CHD9: variants seen among roughly 807,000 people sequenced by gnomAD.
The protein encoded by CHD9 is chromodomain helicase DNA binding protein 9.
In CHD9, 77 loss-of-function variants were observed where a neutral mutation model predicts 316.1. The ratio of observed to expected loss-of-function variants is 0.24; its 90% CI spans 0.20 to 0.29. The LOEUF (loss-of-function observed/expected upper bound fraction) is 0.29, where lower values mean the gene tolerates loss of function less well. Ranked by LOEUF, CHD9 falls within the 10% of genes least tolerant of loss-of-function variation. The pLI is 1.00. For synonymous variants in CHD9, 1,129 were observed against 1,158.3 expected (o/e 0.97, Z 0.51); for missense variants, 2,763 against 3,438.1 (o/e 0.80, Z 4.91).
chr16:53,118,793 C>CTTTTTTT (rs565529283), intron 1 of CHD9, among the ~76,000 whole-genome samples: 1 of 127,162 alleles, frequency 7.9e-6, no homozygotes, highest in Non-Finnish European at 1.6e-5. Context: ...AGATAACTTT[C>CTTTTTTT]TTTTTTTTTT....
At chr16:53,247,540 T>C (rs2049737201) in intron 16 of CHD9, 37 bp downstream of exon 16, 1 of 1,365,262 alleles carries the variant, frequency 7.3e-7, no homozygotes, top group South Asian at 1.2e-5. Context: ...TTATGCTAAG[T>C]ATATGCTATT....
intron 24 of CHD9, among the ~76,000 whole-genome samples, chr16:53,276,418 A>G (rs934493480): frequency 3.3e-5 from 5 of 152,186 alleles, no homozygotes; most frequent in Non-Finnish European, 7.3e-5. Flanking sequence ...CTACTCTTTA[A>G]GAGAACCATT....
Position 53,325,025 on chromosome 16 carries a change from C to A in CHD9, c.*130C>A. On this transcript the variant is annotated 3_prime_UTR_variant, in exon 39 of 39. Transcript: ENST00000447540. The stretch of plus-strand genomic sequence containing the variant: ...CATTTCAGTTATTTGTTTAGAAGTG[C>A]AAACTGCTTTCAGAGACTTTTTGCA... The A allele has an allele frequency of 1.3e-6, 1 of 757,184 alleles. No individual in the cohort carries two copies. The highest frequency in any genetic ancestry group is 2.0e-6 in the Non-Finnish European group (1 of 492,248). The allele number at this position is 757,184 out of a possible 1,614,324, so 46.9% of individuals were successfully genotyped here. A position where few individuals can be genotyped will look rare whatever the true frequency, so the allele number is the denominator to read the frequency against.
At chr16:53,209,953 C>A (rs1440146641) in intron 3 of CHD9, 140 bp downstream of exon 3, 87 of 624,464 alleles carry the variant, frequency 1.4e-4, no homozygotes, top group Non-Finnish European at 2.8e-6. Context: ...TGCTTTATTT[C>A]ATTGCCGAAT....
At position 53,308,785 on chromosome 16, in the gene CHD9, C is replaced by T. The variant is rs762440281; in HGVS notation, c.7153C>T (p.Arg2385Trp). ...GALGQQQYLT[R>W]LRELQSASET... ...TCTGGGGCAGCAGCAGTACCTCACT[C>T]GGCTTCGAGAGCTTCAAAGTGCATC... The change falls in exon 34 of 39, where the codon CGG becomes TGG. Residue 2385 changes from arginine to tryptophan, a missense_variant. Around this residue, in one of 15 missense-constraint regions of CHD9, gnomAD observed 663 missense variants for 751.2 expected, o/e 0.88. Transcript: ENST00000447540. 1.2e-5 allele frequency: 20 copies of T among 1,613,494 alleles called. No homozygotes were observed. Among genetic ancestry groups the T allele is most frequent in the African/African-American group, 4.0e-5 (3 of 74,916 alleles).
chr16:53,274,642 G>C (rs766227881), intron 24 of CHD9, among the ~76,000 whole-genome samples: 3 of 151,948 alleles, frequency 2.0e-5, no homozygotes, highest in Non-Finnish European at 4.4e-5. Context: ...ATTTTTAGTA[G>C]AGACGGGGTT....
chr16:53,168,760 AG>A (rs1272438534), intron 2 of CHD9: 1 of 152,378 alleles, frequency 6.6e-6, no homozygotes, highest in Non-Finnish European at 1.5e-5. Context: ...AGGGGCAGAC[AG>A]GGTCTGGCTG....
chr16:53,241,506 CCTT>C (rs1230024741), intron 12 of CHD9, among the ~76,000 whole-genome samples: 1 of 152,200 alleles, frequency 6.6e-6, no homozygotes, highest in Non-Finnish European at 1.5e-5. Context: ...TATCCAAATG[CCTT>C]CTTAACAACT....
At chr16:53,061,493 G>A (rs1298532308) in intron 1 of CHD9, among the ~76,000 whole-genome samples, 3 of 152,246 alleles carry the variant, frequency 2.0e-5, no homozygotes, top group East Asian at 1.9e-4. Flanking sequence ...AATGTATTTC[G>A]GAAATGATCC....
At chr16:53,260,236 C>T (rs1395981442) in intron 19 of CHD9, among the ~76,000 whole-genome samples, 1 of 152,122 alleles carries the variant, frequency 6.6e-6, no homozygotes. Context: ...TCTAACACTT[C>T]GGGAGGCCAA....
At position 53,325,071 on chromosome 16, in the gene CHD9, A is replaced by G. The variant is rs531666075; in HGVS notation, c.*176A>G. 5.5e-6 allele frequency: 3 copies of G among 550,152 alleles called. No homozygotes were observed. The highest frequency in any genetic ancestry group is 3.8e-5 in the African/African-American group (2 of 53,224). The allele number at this position is 550,152 out of a possible 1,614,324, so 34.1% of individuals were successfully genotyped here. The stretch of plus-strand genomic sequence containing the variant: ...TTGCATGTAATATTTCTTAAGATTC[A>G]TAAGTTTCTGAACTCGTATGTACTA... On this transcript the variant is annotated 3_prime_UTR_variant, in exon 39 of 39. Coordinates refer to ENST00000447540, the MANE Select transcript of CHD9 (RefSeq NM_001308319.2).
chr16:53,061,327 A>C (rs890541069), intron 1 of CHD9, among the ~76,000 whole-genome samples: 1 of 152,200 alleles, frequency 6.6e-6, no homozygotes. Context: ...TGACCTGTGA[A>C]TCTCCATTGA....
chr16:53,110,676 C>T (rs1406577395), intron 1 of CHD9, among the ~76,000 whole-genome samples: 4 of 152,138 alleles, frequency 2.6e-5, no homozygotes, highest in South Asian at 4.1e-4. Context: ...GCAGGAGAAT[C>T]GCTTGAACCT....
intron 1 of CHD9, among the ~76,000 whole-genome samples, chr16:53,068,191 C>T (rs2033694423): frequency 6.6e-6 from 1 of 152,168 alleles, no homozygotes; most frequent in African/African-American, 2.4e-5. Context: ...AAATATAGAG[C>T]TAATATCACT....
chr16:53,157,293 A>C lies in CHD9; in HGVS notation c.1204A>C (p.Thr402Pro), dbSNP rs922732152. 2.5e-6 allele frequency: 4 copies of C among 1,611,096 alleles called. No individual in the cohort carries two copies. Among genetic ancestry groups the C allele is most frequent in the Non-Finnish European group, 3.4e-6 (4 of 1,178,424 alleles). Reference protein sequence around the residue: ...HQVESQTEPFTGLDPEDLLQE... With the variant: ...HQVESQTEPFPGLDPEDLLQE... The stretch of plus-strand genomic sequence containing the variant: ...AGTGGAATCTCAAACTGAGCCATTC[A>C]CAGGACTTGACCCCGAGGACCTCCT... The change falls in exon 2 of 39, where the codon ACA becomes CCA. Residue 402 changes from threonine to proline, a missense_variant. By Grantham distance (38) the Thr-to-Pro change is conservative. Around this residue, in one of 15 missense-constraint regions of CHD9, gnomAD observed 859 missense variants for 890.4 expected, o/e 0.96. Transcript: ENST00000447540.
chr16:53,169,091 G>T (rs1299281645), intron 2 of CHD9: 1 of 152,234 alleles, frequency 6.6e-6, no homozygotes, highest in Non-Finnish European at 1.5e-5. Flanking sequence ...CATGCCTGTA[G>T]TCCCAGTTAC....
chr16:53,139,643 T>G (rs1296415922), intron 1 of CHD9, among the ~76,000 whole-genome samples: 2 of 152,022 alleles, frequency 1.3e-5, no homozygotes, highest in African/African-American at 2.4e-5. Flanking sequence ...AGAAAAGAGG[T>G]GCTGGAGGTG....
intron 1 of CHD9, among the ~76,000 whole-genome samples, chr16:53,132,105 T>TG (rs141834170): frequency 1.5e-4 from 23 of 151,206 alleles, no homozygotes; most frequent in South Asian, 1.0e-3. Flanking sequence ...AAATTTTTTT[T>TG]GGGGGGGGTG....
intron 2 of CHD9, among the ~76,000 whole-genome samples, chr16:53,201,073 C>A (rs1410264653): frequency 6.6e-6 from 1 of 152,060 alleles, no homozygotes; most frequent in African/African-American, 2.4e-5. Context: ...GAACTGGAAC[C>A]AGAACCCAGG....
Sources: gnomAD v4.1 joint callset for allele counts (sites outside exome capture counted in the v4.1 genomes callset) on GRCh38, gnomAD v4.1.1 for gene constraint, gnomAD v4.1.1 regional missense constraint, MANE v1.5 for transcripts, NCBI Gene and HGNC (gene_info 2026-07-23, HGNC 2026-07-21) for gene names.